The following IL1RAPL2 variants were observed in gnomAD, a reference collection of about 807,000 sequenced individuals.
IL1RAPL2 encodes X-linked interleukin-1 receptor accessory protein-like 2.
Under a neutral mutation model 44.1 loss-of-function variants are expected in IL1RAPL2, and 3 were observed. The observed-to-expected ratio is 0.07, with a 90% CI of 0.03 to 0.18. The LOEUF is 0.18. IL1RAPL2 is among the 10% of genes least tolerant of loss of function. The probability of loss-of-function intolerance (pLI) is 1.00; values close to 1 mark genes in which losing one functional copy is unlikely to be tolerated. For missense variants in IL1RAPL2, 391 were observed against 496.4 expected, an observed-to-expected ratio of 0.79 and a Z score of 2.02; for synonymous variants, 181 against 178.8, an observed-to-expected ratio of 1.01 and a Z score of -0.10.
chrX:104,731,676 T>A (rs971765353), intron 2 of IL1RAPL2, among the ~76,000 whole-genome samples: 8 of 111,755 alleles, frequency 7.2e-5, no homozygotes, highest in Non-Finnish European at 1.1e-4. Flanking sequence ...GTGCTAGGAT[T>A]AAAGGTGTGG....
At chrX:105,121,816 T>C (rs1427851709) in intron 2 of IL1RAPL2, among the ~76,000 whole-genome samples, 1 of 111,531 alleles carries the variant, frequency 9.0e-6, no homozygotes, top group Non-Finnish European at 1.9e-5. Flanking sequence ...GTGTATGTAA[T>C]TGACACAAAA....
chrX:105,450,348 T>C (rs2036010813), intron 5 of IL1RAPL2, among the ~76,000 whole-genome samples: 1 of 111,886 alleles, frequency 8.9e-6, no homozygotes, highest in Non-Finnish European at 1.9e-5. Context: ...ATTGTCCACC[T>C]GATTTTTGGT....
chrX:105,660,221 T>C (rs967256320), intron 6 of IL1RAPL2, among the ~76,000 whole-genome samples: 3 of 111,007 alleles, frequency 2.7e-5, no homozygotes, highest in African/African-American at 9.8e-5. Context: ...GAGAGTGGTA[T>C]GATATATTTC....
chrX:105,530,104 A>T (rs73245784), intron 6 of IL1RAPL2, among the ~76,000 whole-genome samples: 2 of 111,983 alleles, frequency 1.8e-5, no homozygotes, highest in Non-Finnish European at 3.8e-5. Flanking sequence ...GGGGGAACAT[A>T]TGGTACATAT....
intron 5 of IL1RAPL2, among the ~76,000 whole-genome samples, chrX:105,416,328 A>G (rs922513510): frequency 8.9e-6 from 1 of 111,855 alleles, no homozygotes; most frequent in Admixed American, 9.5e-5. Context: ...TTATTTTATC[A>G]ATGTCTCAAC....
At chrX:105,255,746 A>T (rs954883805) in intron 4 of IL1RAPL2, among the ~76,000 whole-genome samples, 30 of 111,661 alleles carry the variant, frequency 2.7e-4, no homozygotes, top group African/African-American at 9.1e-4. Flanking sequence ...TTCAAGGGGG[A>T]TGCTTCCAGC....
At chrX:105,379,731 A>C (rs1369736034) in intron 5 of IL1RAPL2, among the ~76,000 whole-genome samples, 1 of 111,842 alleles carries the variant, frequency 8.9e-6, no homozygotes, top group Non-Finnish European at 1.9e-5. Flanking sequence ...CAACTACTCC[A>C]TGAGATGGCT....
At chrX:104,860,745 A>G (rs1922470901) in intron 2 of IL1RAPL2, among the ~76,000 whole-genome samples, 1 of 111,109 alleles carries the variant, frequency 9.0e-6, no homozygotes, top group African/African-American at 3.3e-5. Context: ...GAATTTTAGG[A>G]TTAGGGATGC....
At chrX:105,299,670 T>A (rs1331826560) in intron 5 of IL1RAPL2, among the ~76,000 whole-genome samples, 1 of 111,922 alleles carries the variant, frequency 8.9e-6, no homozygotes, top group African/African-American at 3.2e-5. Context: ...CAATTTTTAA[T>A]TTCCTATGAC....
At chrX:105,674,890 G>GT (rs2037856291) in intron 6 of IL1RAPL2, among the ~76,000 whole-genome samples, 1 of 110,343 alleles carries the variant, frequency 9.1e-6, no homozygotes, top group Admixed American at 9.7e-5. Context: ...CTTGTTAGCT[G>GT]TATTCCTAGG....
chrX:104,626,425 G>A (rs749171306), intron 1 of IL1RAPL2, among the ~76,000 whole-genome samples: 4 of 109,793 alleles, frequency 3.6e-5, no homozygotes, highest in African/African-American at 6.6e-5. Context: ...TTTTACCAAT[G>A]TCCTAACAGT....
intron 5 of IL1RAPL2, among the ~76,000 whole-genome samples, chrX:105,287,545 G>T (rs983662681): frequency 1.8e-5 from 2 of 111,880 alleles, no homozygotes; most frequent in South Asian, 7.5e-4. Flanking sequence ...TAGTTTCAGT[G>T]TGGAGAATGA....
chrX:105,445,051 T>C (rs1286129202), intron 5 of IL1RAPL2, among the ~76,000 whole-genome samples: 3 of 111,849 alleles, frequency 2.7e-5, no homozygotes, highest in Non-Finnish European at 5.6e-5. Context: ...AGACTTTCTA[T>C]TATGGCTTTG....
At chrX:105,044,723 G>C (rs772117642) in intron 2 of IL1RAPL2, among the ~76,000 whole-genome samples, 1 of 111,512 alleles carries the variant, frequency 9.0e-6, no homozygotes, top group Non-Finnish European at 1.9e-5. Context: ...TTCCCACACT[G>C]TACTCCCAGA....
At chrX:105,412,894 T>G (rs2147741745) in intron 5 of IL1RAPL2, among the ~76,000 whole-genome samples, 1 of 112,247 alleles carries the variant, frequency 8.9e-6, no homozygotes, top group African/African-American at 3.2e-5. Context: ...CTAATTGACT[T>G]TGATTTTTGT....
At chrX:104,842,825 T>A (rs1275295655) in intron 2 of IL1RAPL2, among the ~76,000 whole-genome samples, 2 of 112,469 alleles carry the variant, frequency 1.8e-5, no homozygotes, top group East Asian at 5.7e-4. Flanking sequence ...GAGGTGTCTG[T>A]CCACCCCTGT....
chrX:104,632,170 C>G (rs1929666137), intron 1 of IL1RAPL2, among the ~76,000 whole-genome samples: 1 of 111,227 alleles, frequency 9.0e-6, no homozygotes, highest in Non-Finnish European at 1.9e-5. Context: ...GGCATTATTT[C>G]TGAGGGCTCT....
At chrX:105,156,480 T>C (rs889279448) in intron 2 of IL1RAPL2, among the ~76,000 whole-genome samples, 2 of 112,317 alleles carry the variant, frequency 1.8e-5, no homozygotes, top group African/African-American at 6.5e-5. Flanking sequence ...TACTTTAAGA[T>C]TCCTGGCTGT....
At chrX:105,615,762 T>C (rs1009948607) in intron 6 of IL1RAPL2, among the ~76,000 whole-genome samples, 28 of 112,093 alleles carry the variant, frequency 2.5e-4, no homozygotes, top group Non-Finnish European at 3.8e-5. Context: ...TAGTATTTGC[T>C]AGCACAACAG....
Sources: allele counts gnomAD v4.1 joint callset (sites outside exome capture counted in the v4.1 genomes callset), GRCh38; gene constraint gnomAD v4.1.1; transcripts MANE v1.5; gene names NCBI Gene and HGNC (gene_info 2026-07-23, HGNC 2026-07-21).